Variants in SYNE3 observed in about 807,000 individuals in gnomAD.
The protein encoded by SYNE3 is nesprin-3.
SYNE3 carries 100 observed loss-of-function variants against 111.2 expected under a neutral mutation model. The ratio of observed to expected loss-of-function variants is 0.90; its 90% CI spans 0.77 to 1.06. SYNE3 has a LOEUF of 1.06. Ranked by LOEUF, SYNE3 falls within the 50% of genes least tolerant of loss-of-function variation. The pLI, the probability that SYNE3 is intolerant of heterozygous loss-of-function variation, is 0.00. For missense variants in SYNE3, 1,160 were observed against 1,240.3 expected, an observed-to-expected ratio of 0.94 and a Z score of 0.97; for synonymous variants, 547 against 533.9, an observed-to-expected ratio of 1.02 and a Z score of -0.34.
At chr14:95,426,709 AG>A (rs1236830551) in intron 17 of SYNE3, among the ~76,000 whole-genome samples, 1 of 151,996 alleles carries the variant, frequency 6.6e-6, no homozygotes, top group East Asian at 1.9e-4. Flanking sequence ...TGGGAGACCG[AG>A]GTGGGTGGAT....
At chr14:95,481,899 G>A (rs191481990) in intron 1 of SYNE3, among the ~76,000 whole-genome samples, 223 of 152,382 alleles carry the variant, frequency 1.5e-3, no homozygotes, top group African/African-American at 4.6e-3. Context: ...AAAAACGCCC[G>A]AGGCAGATCG....
chr14:95,515,919 C>T (rs1566694849), intron 1 of SYNE3, among the ~76,000 whole-genome samples: 1 of 152,214 alleles, frequency 6.6e-6, no homozygotes, highest in African/African-American at 2.4e-5. Context: ...ATCAATGGGT[C>T]TGCTGTTTGG....
chr14:95,505,296 C>T (rs749332164), intron 1 of SYNE3, among the ~76,000 whole-genome samples: 4 of 152,248 alleles, frequency 2.6e-5, no homozygotes, highest in Non-Finnish European at 4.4e-5. Flanking sequence ...AGGGCAAATG[C>T]ATTGAAACAG....
At chr14:95,486,714 T>A (rs1459409246) in intron 1 of SYNE3, among the ~76,000 whole-genome samples, 1 of 152,238 alleles carries the variant, frequency 6.6e-6, no homozygotes, top group African/African-American at 2.4e-5. Context: ...AACAAGGACT[T>A]GAGAAATGAC....
intron 17 of SYNE3, among the ~76,000 whole-genome samples, chr14:95,427,527 TAA>T (rs1885504166): frequency 6.6e-6 from 1 of 152,184 alleles, no homozygotes; most frequent in Admixed American, 6.5e-5. Flanking sequence ...GTGAAAGTAC[TAA>T]AAGTCTCTGA....
intron 10 of SYNE3, 38 bp from the exon 11 acceptor site, chr14:95,443,327 A>C (rs1595195940): frequency 1.2e-6 from 2 of 1,611,756 alleles, no homozygotes; most frequent in African/African-American, 1.3e-5. Context: ...TAATCTTCCC[A>C]CCTCTCCCTC....
chr14:95,464,430 C>T (rs1379642038), intron 4 of SYNE3, among the ~76,000 whole-genome samples: 2 of 152,136 alleles, frequency 1.3e-5, no homozygotes, highest in Non-Finnish European at 2.9e-5. Context: ...GGCTGCCCGC[C>T]CCCACTAGCC....
chr14:95,508,822 G>T (rs1339510472), intron 1 of SYNE3, among the ~76,000 whole-genome samples: 1 of 152,224 alleles, frequency 6.6e-6, no homozygotes, highest in African/African-American at 2.4e-5. Flanking sequence ...CCCTGAAGGG[G>T]GCCGCAGAGG....
intron 2 of SYNE3, among the ~76,000 whole-genome samples, chr14:95,469,461 G>A (rs1888386801): frequency 6.7e-6 from 1 of 150,352 alleles, no homozygotes; most frequent in South Asian, 2.1e-4. Context: ...CTGGGAGGCT[G>A]AGGCAGGAGA....
At chr14:95,492,856 T>A (rs1889913892) in intron 1 of SYNE3, among the ~76,000 whole-genome samples, 1 of 152,222 alleles carries the variant, frequency 6.6e-6, no homozygotes, top group African/African-American at 2.4e-5. Context: ...GCTCTATTTT[T>A]TTTTAAAGCA....
chr14:95,465,467 T>C (rs7161487), intron 4 of SYNE3, among the ~76,000 whole-genome samples: 16,793 of 151,770 alleles, frequency 0.11, 1,149 homozygotes, highest in African/African-American at 0.19. Context: ...GGGTAGGCAG[T>C]GGAGAGATGG....
At chr14:95,465,157 G>A (rs1888083375) in intron 4 of SYNE3, among the ~76,000 whole-genome samples, 1 of 151,994 alleles carries the variant, frequency 6.6e-6, no homozygotes, top group South Asian at 2.1e-4. Context: ...AAACACTGAA[G>A]GAGAAGGATT....
intron 8 of SYNE3, among the ~76,000 whole-genome samples, chr14:95,449,216 T>C (rs1236199834): frequency 2.6e-5 from 4 of 152,216 alleles, no homozygotes; most frequent in Admixed American, 6.5e-5. Flanking sequence ...GGATGCAAAG[T>C]GCTCAGTTCC....
intron 2 of SYNE3, among the ~76,000 whole-genome samples, chr14:95,472,966 T>G (rs901134581): frequency 8.5e-5 from 13 of 152,208 alleles, no homozygotes; most frequent in African/African-American, 2.9e-4. Flanking sequence ...AAACAGGCAC[T>G]GGAGACAAGC....
At position 95,415,515 on chromosome 14, in the gene SYNE3, C is replaced by A. The variant is rs1903553046; in HGVS notation, c.*2311G>T. 6.6e-6 allele frequency: 1 copy of A among 152,098 alleles called. No homozygotes were observed. Among genetic ancestry groups the A allele is most frequent in the African/African-American group, 2.4e-5 (1 of 41,404 alleles). The allele number at this position is 152,098 out of a possible 1,614,324, so 9.4% of individuals were successfully genotyped here. On this transcript the variant is annotated 3_prime_UTR_variant, in exon 18 of 18. Transcript: ENST00000682763. ...AGGGTTGTAGGATCTACTTTTTGAA[C>A]TTTTCATCCCCTGTAGTTGCCAATT...
rs747589309 is a variant in SYNE3, at chr14:95,432,073, C to G, written c.2727+6G>C. 4 of 1,611,704 alleles carry G rather than the reference C, an allele frequency of 2.5e-6. No homozygotes were observed. The highest frequency in any genetic ancestry group is 1.7e-4 in the Middle Eastern group (1 of 6,056). ...AGCCGTGTGGAGCAGATGGCAGACA[C>G]TGTACCTTTTGGAATCCAGTCGGCT... is the stretch of plus-strand genomic sequence containing the variant. On this transcript the variant is annotated splice_donor_region_variant and intron_variant, in intron 17 of 17. Transcript: ENST00000682763.
In SYNE3 at chr14:95,514,697, G is replaced by A. The variant is rs149433244; in HGVS notation, c.-15+1899C>T. On this transcript the variant is annotated intron_variant, in intron 1 of 17. Transcript: ENST00000682763. ...TTCCCAAGGCTACACAGCCAGGAAC[G>A]GGCTAAGGCAGGACTGGACTCAGGC... Among the ~76,000 whole-genome samples the A allele has an allele frequency of 3.2e-3, 485 of 152,346 alleles. 3 individuals are homozygous for A. The highest frequency in any genetic ancestry group is 0.011 in the African/African-American group (463 of 41,588).
At chr14:95,501,721 G>A (rs179164) in intron 1 of SYNE3, among the ~76,000 whole-genome samples, 35,723 of 141,964 alleles carry the variant, frequency 0.25, 4,351 homozygotes, top group Non-Finnish European at 0.28. Flanking sequence ...GGAGGGAAGG[G>A]CATGGGGGGA....
intron 6 of SYNE3, 124 bp from the exon 7 acceptor site, chr14:95,452,507 C>T: frequency 7.8e-7 from 1 of 1,279,234 alleles, no homozygotes; most frequent in Non-Finnish European, 1.0e-6. Flanking sequence ...TCACCAGGGG[C>T]AGGAACTGGG....
Sources: allele counts gnomAD v4.1 joint callset (sites outside exome capture counted in the v4.1 genomes callset), GRCh38; gene constraint gnomAD v4.1.1; transcripts MANE v1.5; gene names NCBI Gene and HGNC (gene_info 2026-07-23, HGNC 2026-07-21).